Variants in MDP1 observed in about 807,000 individuals in gnomAD.
The protein encoded by MDP1 is magnesium-dependent phosphatase 1.
MDP1 carries 18 observed loss-of-function variants against 21.6 expected under a neutral mutation model. The observed-to-expected ratio is 0.83, with a 90% CI of 0.58 to 1.24. MDP1 has a LOEUF of 1.24. Among genes scored for constraint, MDP1 ranks in the 50% most tolerant of loss-of-function variants. The pLI is 0.00. For missense variants in MDP1, 207 were observed against 218.6 expected (o/e 0.95, Z 0.33); for synonymous variants, 101 against 83.2 (o/e 1.21, Z -1.16).
Position 24,215,965 on chromosome 14 carries a change from C to G in MDP1, c.-10G>C, listed in dbSNP as rs777168677. The G allele has an allele frequency of 6.2e-7, 1 of 1,614,132 alleles. No homozygotes were observed. The highest frequency in any genetic ancestry group is 1.1e-5 in the South Asian group (1 of 91,082). On this transcript the variant is annotated 5_prime_UTR_variant, in exon 1 of 6. Transcript: ENST00000288087. ...TCGGTAGCCGCGCCATGACCCGCAC[C>G]GCAGGCTGCGCGCAGCAGAGGTGGG... is the stretch of plus-strand genomic sequence containing the variant.
chr14:24,215,712 C>T (rs2039679699), intron 2 of MDP1, 25 bp downstream of exon 2: 2 of 1,614,088 alleles, frequency 1.2e-6, no homozygotes, highest in Non-Finnish European at 1.7e-6. Flanking sequence ...TATCTCGCCC[C>T]CAGTCTTCCC....
intron 1 of MDP1, 32 bp downstream of exon 1, chr14:24,215,886 AC>A: frequency 6.2e-7 from 1 of 1,614,174 alleles, no homozygotes; most frequent in Non-Finnish European, 8.5e-7. Flanking sequence ...AAAGGAGAGC[AC>A]CTTACGAAAT....
rs2039629926 is a variant in MDP1 at position 24,214,075 on chromosome 14, G to A, written c.480C>T (p.Ala160=). Residue 160 remains alanine (A), a synonymous_variant, in exon 6 of 6, where the codon GCC becomes GCT. Coordinates refer to ENST00000288087, the MANE Select transcript of MDP1 (RefSeq NM_138476.4). ...LSQGLETFAK[A]QTGPLRSSLE... ...GGCTGGACCTCAAAGGCCCAGTTTG[G>A]GCCTTCGCAAATGTCTCTAACCCTT... is the stretch of plus-strand genomic sequence containing the variant. 1 of 1,613,100 alleles carries A rather than the reference G, an allele frequency of 6.2e-7. No homozygotes were observed. Among genetic ancestry groups the A allele is most frequent in the African/African-American group, 1.3e-5 (1 of 74,930 alleles).
Position 24,215,678 on chromosome 14 carries a change from G to T in MDP1, c.99-16C>A. Reference sequence around the variant, plus strand: ...AGTTCCATCACTGGAGAGGGCAAGAGTGCGCTCAGCCCTGGCTGGGTCCTA... The same window carrying T: ...AGTTCCATCACTGGAGAGGGCAAGATTGCGCTCAGCCCTGGCTGGGTCCTA... On this transcript the variant is annotated splice_polypyrimidine_tract_variant and intron_variant, in intron 2 of 5. Transcript: ENST00000288087. 6.2e-7 allele frequency: 1 copy of T among 1,614,184 alleles called. No homozygotes were observed. The highest frequency in any genetic ancestry group is 8.5e-7 in the Non-Finnish European group (1 of 1,180,018).
chr14:24,214,618 G>A lies in MDP1; in HGVS notation c.210-19C>T, dbSNP rs1159751746. The A allele has an allele frequency of 6.2e-7, 1 of 1,613,928 alleles. No individual in the cohort carries two copies. The highest frequency in any genetic ancestry group is 1.7e-4 in the Middle Eastern group (1 of 6,026). ...ACTTGTCCTGCAAAACGGTGTAAAA[G>A]ATGGGATTAGCAAAGTGAAGGGCCA... On this transcript the variant is annotated intron_variant, in intron 3 of 5. Coordinates refer to ENST00000288087, the MANE Select transcript of MDP1 (RefSeq NM_138476.4).
In MDP1 at chr14:24,214,586, C is replaced by T. The variant is rs2039644786; in HGVS notation, c.223G>A (p.Glu75Lys). 6.2e-7 allele frequency: 1 copy of T among 1,614,248 alleles called. No individual in the cohort carries two copies. Among genetic ancestry groups the T allele is most frequent in the Non-Finnish European group, 8.5e-7 (1 of 1,180,044 alleles). Residue 75 changes from glutamate to lysine, a missense_variant, in exon 4 of 6, where the codon GAA becomes AAA. Coordinates refer to ENST00000288087, the MANE Select transcript of MDP1 (RefSeq NM_138476.4). ...GAAASRTSEI[E>K]GANQLLELFD... Reference sequence around the variant, plus strand: ...AGCTCCAGTAGCTGGTTGGCCCCTTCTATCTCACTTGTCCTGCAAAACGGT... The same window carrying T: ...AGCTCCAGTAGCTGGTTGGCCCCTTTTATCTCACTTGTCCTGCAAAACGGT...
At chr14:24,215,851 C>T (rs935007736) in intron 1 of MDP1, 54 bp from the exon 2 acceptor site, 12 of 1,613,836 alleles carry the variant, frequency 7.4e-6, no homozygotes, top group Non-Finnish European at 1.0e-5. Flanking sequence ...TGCAGGGATT[C>T]GGGAGCTGCT....
At chr14:24,215,081 CTTT>C (rs907932145) in intron 3 of MDP1, among the ~76,000 whole-genome samples, 4 of 111,270 alleles carry the variant, frequency 3.6e-5, no homozygotes, top group Admixed American at 9.2e-5. Flanking sequence ...TCTGGCCCCA[CTTT>C]TTTTTTTTTT....
chr14:24,215,748 G>C lies in MDP1; in HGVS notation c.87C>G (p.Phe29Leu), dbSNP rs750800977. 1.9e-6 allele frequency: 3 copies of C among 1,614,074 alleles called. No individual in the cohort carries two copies. The highest frequency in any genetic ancestry group is 1.6e-4 in the Middle Eastern group (1 of 6,084). The change falls in exon 2 of 6, where the codon TTC (phenylalanine) becomes TTG (leucine). Residue 29 changes from phenylalanine to leucine, a missense_variant. By Grantham distance (22) the Phe-to-Leu change is conservative. Transcript: ENST00000288087. ...FWVDTHVDPP[F>L]HKSSDGTVRD... ...TGTCCCTACCTCACCTGCTCTTATG[G>C]AACGGAGGGTCTACGTGCGTGTCGA...
Position 24,215,765 on chromosome 14 carries a change from G to A in MDP1, c.70C>T (p.His24Tyr). The A allele has an allele frequency of 6.2e-7, 1 of 1,614,204 alleles. No homozygotes were observed. The highest frequency in any genetic ancestry group is 8.5e-7 in the Non-Finnish European group (1 of 1,180,046). Residue 24 changes from histidine (H) to tyrosine (Y), a missense_variant, in exon 2 of 6, where the codon CAC becomes TAC. Physicochemically the swap from His to Tyr is moderately conservative, Grantham distance 83 (BLOSUM62 2). Coordinates refer to ENST00000288087, the MANE Select transcript of MDP1 (RefSeq NM_138476.4). ...CTCTTATGGAACGGAGGGTCTACGT[G>A]CGTGTCGACCCAGAAAGGCCAGAGA... ...YTLWPFWVDT[H>Y]VDPPFHKSSD...
chr14:24,214,421 C>T, intron 4 of MDP1, 26 bp from the exon 5 acceptor site: 1 of 1,614,196 alleles, frequency 6.2e-7, no homozygotes, highest in Non-Finnish European at 8.5e-7. Flanking sequence ...CAGGAGTAAC[C>T]AAGCTAGTAT....
Position 24,214,513 on chromosome 14 carries a change from C to T in MDP1, c.296G>A (p.Ser99Asn), listed in dbSNP as rs1432720408. The T allele has an allele frequency of 1.2e-6, 2 of 1,614,072 alleles. No individual in the cohort carries two copies. The highest frequency in any genetic ancestry group is 1.7e-6 in the Non-Finnish European group (2 of 1,180,042). ...ATACCTCTCAAAGTGTGTGATCTTG[C>T]TGCCTGGATAGATTTCCCGATGAAC... is the stretch of plus-strand genomic sequence containing the variant. ...YFVHREIYPG[S>N]KITHFERLQQ... The change falls in exon 4 of 6, where the codon AGC becomes AAC. Residue 99 changes from serine to asparagine, a missense_variant. Transcript: ENST00000288087.
Position 24,214,505 on chromosome 14 carries a change from T to C in MDP1, c.304A>G (p.Thr102Ala). The C allele has an allele frequency of 6.2e-7, 1 of 1,614,182 alleles. No individual in the cohort carries two copies. Among genetic ancestry groups the C allele is most frequent in the Non-Finnish European group, 8.5e-7 (1 of 1,180,020 alleles). The change falls in exon 4 of 6, where the codon ACA (threonine) becomes GCA (alanine). Residue 102 changes from threonine (T) to alanine (A), a missense_variant. By Grantham distance (58) the Thr-to-Ala change is moderately conservative (BLOSUM62 0). Coordinates refer to ENST00000288087, the MANE Select transcript of MDP1 (RefSeq NM_138476.4). Reference protein sequence around the residue: ...HREIYPGSKITHFERLQQKTG... With the variant: ...HREIYPGSKIAHFERLQQKTG... ...ATCTCCGCATACCTCTCAAAGTGTG[T>C]GATCTTGCTGCCTGGATAGATTTCC...
At position 24,215,925 on chromosome 14, in the gene MDP1, CAA is replaced by C; in HGVS notation, c.29_30del (p.Phe10Ter). ...TCCCCTTCCCGTCCCTCACCCAAATCAAAGACTGCCAGCTTCGGTAGCCGCGC... is the reference window on the plus strand; with the variant it reads ...TCCCCTTCCCGTCCCTCACCCAAATCAGACTGCCAGCTTCGGTAGCCGCGC... MARLPKLAV[F>X]DLDYTLWPFW... On this transcript the variant is annotated frameshift_variant, in exon 1 of 6. Coordinates refer to ENST00000288087, the MANE Select transcript of MDP1 (RefSeq NM_138476.4). LOFTEE classifies it high-confidence loss of function. The C allele has an allele frequency of 6.2e-7, 1 of 1,614,204 alleles. No individual in the cohort carries two copies. Among genetic ancestry groups the C allele is most frequent in the South Asian group, 1.1e-5 (1 of 91,066 alleles).
At chr14:24,215,205 C>T (rs2039662131) in intron 3 of MDP1, among the ~76,000 whole-genome samples, 1 of 151,646 alleles carries the variant, frequency 6.6e-6, no homozygotes, top group African/African-American at 2.4e-5. Context: ...CCTGCCTCAG[C>T]CTCCCGAGTA....
intron 5 of MDP1, 42 bp from the exon 6 acceptor site, chr14:24,214,193 T>G: frequency 6.2e-7 from 1 of 1,607,628 alleles, no homozygotes; most frequent in Middle Eastern, 1.7e-4. Context: ...CTTTCAGGGT[T>G]CTCCATTATT....
intron 3 of MDP1, 103 bp from the exon 4 acceptor site, chr14:24,214,702 G>GT (rs908068029): frequency 7.7e-7 from 1 of 1,305,406 alleles, no homozygotes; most frequent in African/African-American, 1.5e-5. Context: ...TCAACTTGCT[G>GT]TTTTTCCGGG....
At position 24,214,383 on chromosome 14, in the gene MDP1, CT is replaced by C. The variant is rs1376019080; in HGVS notation, c.329del (p.Lys110ArgfsTer9). 6.2e-7 allele frequency: 1 copy of C among 1,614,206 alleles called. No homozygotes were observed. The highest frequency in any genetic ancestry group is 1.7e-5 in the Admixed American group (1 of 60,026). On this transcript the variant is annotated frameshift_variant, in exon 5 of 6. Transcript: ENST00000288087. LOFTEE classifies it high-confidence loss of function. Reference protein sequence around the residue: ...KITHFERLQQKTGIPFSQMIF... With the variant: ...KITHFERLQQXTGIPFSQMIF... The stretch of plus-strand genomic sequence containing the variant: ...TCATCTGGGAGAAAGGAATTCCAGT[CT>C]TCTGCTGCAACCTATTCAAGACAGG...
Position 24,215,634 on chromosome 14 carries a change from G to C in MDP1, c.127C>G (p.Gln43Glu). The C allele has an allele frequency of 1.2e-6, 2 of 1,614,134 alleles. No homozygotes were observed. The highest frequency in any genetic ancestry group is 1.7e-6 in the Non-Finnish European group (2 of 1,180,014). Residue 43 changes from glutamine (Q) to glutamate (E), a missense_variant, in exon 3 of 6, where the codon CAA (glutamine) becomes GAA (glutamate). Coordinates refer to ENST00000288087, the MANE Select transcript of MDP1 (RefSeq NM_138476.4). ...SDGTVRDRRGQDVRLYPEVPE... is the reference protein window; with the variant it reads ...SDGTVRDRRGEDVRLYPEVPE... ...ACCTCTGGGTACAGTCGGACGTCTT[G>C]GCCCCGCCTATCTCGTACAGTTCCA...
Sources: gnomAD v4.1 joint callset for allele counts (sites outside exome capture counted in the v4.1 genomes callset) on GRCh38, gnomAD v4.1.1 for gene constraint, MANE v1.5 for transcripts, NCBI Gene and HGNC (gene_info 2026-07-23, HGNC 2026-07-21) for gene names.